HCN1: variants seen among roughly 807,000 people sequenced by gnomAD.
The protein encoded by HCN1 is hyperpolarization activated cyclic nucleotide gated potassium channel 1, also known as potassium/sodium hyperpolarization-activated cyclic nucleotide-gated channel 1.
Under a neutral mutation model 78.9 loss-of-function variants are expected in HCN1, and 13 were observed. That is an observed-to-expected ratio of 0.16 (90% confidence interval 0.11 to 0.26). The LOEUF is 0.26. Ranked by LOEUF, HCN1 falls within the 10% of genes least tolerant of loss-of-function variation. The probability of loss-of-function intolerance (pLI) is 1.00; values close to 1 mark genes in which losing one functional copy is unlikely to be tolerated. For synonymous variants in HCN1, 552 were observed against 455.5 expected (o/e 1.21, Z -2.70); for missense variants, 810 against 1,154.3 (o/e 0.70, Z 4.32).
chr5:45,495,970 A>T (rs1301643020), intron 2 of HCN1, among the ~76,000 whole-genome samples: 2 of 152,180 alleles, frequency 1.3e-5, no homozygotes, highest in African/African-American at 4.8e-5. Flanking sequence ...CATGGTGGAT[A>T]AGCTTTTTGA....
At chr5:45,297,884 A>T (rs993020599) in intron 6 of HCN1, among the ~76,000 whole-genome samples, 7 of 152,048 alleles carry the variant, frequency 4.6e-5, no homozygotes, top group African/African-American at 1.7e-4. Context: ...GCATAGAAAA[A>T]CATACATTTG....
chr5:45,484,303 T>C (rs925789060), intron 2 of HCN1, among the ~76,000 whole-genome samples: 19 of 151,984 alleles, frequency 1.3e-4, no homozygotes, highest in Non-Finnish European at 1.8e-4. Context: ...GGCGTGGTGA[T>C]AGGTGCCTGT....
chr5:45,332,139 A>C (rs1746357577), intron 5 of HCN1, among the ~76,000 whole-genome samples: 1 of 150,776 alleles, frequency 6.6e-6, no homozygotes, highest in East Asian at 2.0e-4. Context: ...CTGGATGCTA[A>C]ATAGAAGCTT....
At chr5:45,582,180 A>G (rs1348848281) in intron 2 of HCN1, among the ~76,000 whole-genome samples, 1 of 151,980 alleles carries the variant, frequency 6.6e-6, no homozygotes, top group Non-Finnish European at 1.5e-5. Flanking sequence ...ATTTGTTTGT[A>G]TCCTCTTTTA....
intron 1 of HCN1, among the ~76,000 whole-genome samples, chr5:45,692,011 T>C (rs901808009): frequency 8.5e-5 from 13 of 152,194 alleles, no homozygotes; most frequent in Non-Finnish European, 1.6e-4. Flanking sequence ...CTGCCTCCGT[T>C]ATGAGGAGCA....
intron 3 of HCN1, among the ~76,000 whole-genome samples, chr5:45,425,891 C>G (rs1740336505): frequency 6.6e-6 from 1 of 152,084 alleles, no homozygotes; most frequent in African/African-American, 2.4e-5. Flanking sequence ...TTGAAAAAGA[C>G]AGATGCTTGG....
intron 2 of HCN1, among the ~76,000 whole-genome samples, chr5:45,554,513 A>G (rs1370277683): frequency 1.3e-5 from 2 of 151,762 alleles, no homozygotes; most frequent in Non-Finnish European, 2.9e-5. Flanking sequence ...AAAGGCCTCA[A>G]CCTAGGGTTA....
rs143865339 is a variant in HCN1, at chr5:45,695,798, G to A, written c.296C>T (p.Thr99Ile). ...RQYGFMQRQF[T>I]SMLQPGVNKF... The stretch of plus-strand genomic sequence containing the variant: ...GTTGACCCCGGGCTGCAGCATGGAG[G>A]TGAACTGCCTCTGCATGAAGCCGTA... The change falls in exon 1 of 8, where the codon ACC (threonine) becomes ATC (isoleucine). Residue 99 changes from threonine to isoleucine, a missense_variant. Thr to Ile is a moderately conservative substitution (Grantham distance 89). This residue lies in a region of HCN1 where 170 missense variants were observed against 166.8 expected (regional missense o/e 1.02). Coordinates refer to ENST00000303230, the MANE Select transcript of HCN1 (RefSeq NM_021072.4). 1.9e-6 allele frequency: 3 copies of A among 1,610,956 alleles called. No individual in the cohort carries two copies. In the African/African-American group the frequency reaches 4.0e-5, roughly 21 times the overall value.
intron 1 of HCN1, among the ~76,000 whole-genome samples, chr5:45,651,971 A>C (rs1745684965): frequency 6.6e-6 from 1 of 151,966 alleles, no homozygotes; most frequent in South Asian, 2.1e-4. Context: ...GTAATGAATA[A>C]AACAAAGTTA....
At chr5:45,588,279 A>C (rs1377222612) in intron 2 of HCN1, among the ~76,000 whole-genome samples, 2 of 152,216 alleles carry the variant, frequency 1.3e-5, no homozygotes, top group African/African-American at 4.8e-5. Context: ...ACAATGAATT[A>C]ATAAGTTTGT....
At chr5:45,301,740 A>AG (rs398050421) in intron 6 of HCN1, among the ~76,000 whole-genome samples, 5 of 150,392 alleles carry the variant, frequency 3.3e-5, no homozygotes, top group Admixed American at 2.0e-4. Context: ...AAAAAAAAAA[A>AG]GAAAGAAAAG....
intron 1 of HCN1, among the ~76,000 whole-genome samples, chr5:45,657,628 C>A (rs1580025199): frequency 6.6e-6 from 1 of 152,210 alleles, no homozygotes; most frequent in East Asian, 1.9e-4. Flanking sequence ...CATGAGTGAA[C>A]TCCCATTTAC....
chr5:45,342,321 C>T (rs564385373), intron 5 of HCN1, among the ~76,000 whole-genome samples: 1 of 151,378 alleles, frequency 6.6e-6, no homozygotes, highest in Non-Finnish European at 1.5e-5. Context: ...CCTCTGACTC[C>T]CAGGTTCAAG....
chr5:45,644,970 C>A, intron 2 of HCN1: 1 of 543,528 alleles, frequency 1.8e-6, no homozygotes, highest in East Asian at 2.9e-5. Flanking sequence ...TGGCATAAAA[C>A]GATCACTATT....
At chr5:45,647,438 T>G (rs1399206562) in intron 1 of HCN1, among the ~76,000 whole-genome samples, 1 of 152,154 alleles carries the variant, frequency 6.6e-6, no homozygotes, top group African/African-American at 2.4e-5. Flanking sequence ...AAGTCCCTTC[T>G]GTAAGCTTCT....
At chr5:45,687,460 T>C (rs1739830947) in intron 1 of HCN1, among the ~76,000 whole-genome samples, 1 of 152,182 alleles carries the variant, frequency 6.6e-6, no homozygotes, top group Admixed American at 6.6e-5. Flanking sequence ...TGTCTTTTTG[T>C]TCTAATTCTA....
chr5:45,622,588 T>C (rs1745090232), intron 2 of HCN1, among the ~76,000 whole-genome samples: 1 of 151,838 alleles, frequency 6.6e-6, no homozygotes, highest in Non-Finnish European at 1.5e-5. Flanking sequence ...AATAGGAAGC[T>C]AGCTGGATGA....
intron 4 of HCN1, among the ~76,000 whole-genome samples, chr5:45,365,923 A>T (rs1057095314): frequency 6.6e-6 from 1 of 151,904 alleles, no homozygotes; most frequent in African/African-American, 2.4e-5. Flanking sequence ...AGTTTATTAA[A>T]TTTTAACTTA....
At chr5:45,310,479 C>A (rs1745828320) in intron 5 of HCN1, among the ~76,000 whole-genome samples, 1 of 152,116 alleles carries the variant, frequency 6.6e-6, no homozygotes, top group Non-Finnish European at 1.5e-5. Flanking sequence ...CATCTCACAT[C>A]AGTCACAATG....
Sources: gnomAD v4.1 joint callset for allele counts (sites outside exome capture counted in the v4.1 genomes callset) on GRCh38, gnomAD v4.1.1 for gene constraint, gnomAD v4.1.1 regional missense constraint, MANE v1.5 for transcripts, NCBI Gene and HGNC (gene_info 2026-07-23, HGNC 2026-07-21) for gene names.